Variants in GNB1 observed in about 807,000 individuals in gnomAD.
GNB1 encodes the protein G protein subunit beta 1, also known as guanine nucleotide-binding protein G(I)/G(S)/G(T) subunit beta-1.
A neutral mutation model predicts 42.9 loss-of-function variants in GNB1; 2 were observed. The observed-to-expected ratio is 0.05, with a 90% CI of 0.02 to 0.15. The LOEUF (loss-of-function observed/expected upper bound fraction) is 0.15, where lower values mean the gene tolerates loss of function less well. Ranked by LOEUF, GNB1 falls within the 10% of genes least tolerant of loss-of-function variation. The probability of loss-of-function intolerance (pLI) is 1.00; values close to 1 mark genes in which losing one functional copy is unlikely to be tolerated. For missense variants in GNB1, 193 were observed against 462.2 expected, an observed-to-expected ratio of 0.42 and a Z score of 5.34; for synonymous variants, 183 against 174.7, an observed-to-expected ratio of 1.05 and a Z score of -0.38.
chr1:1,815,390 C>T (rs867430973), intron 5 of GNB1, among the ~76,000 whole-genome samples: 4 of 152,202 alleles, frequency 2.6e-5, no homozygotes, highest in African/African-American at 9.6e-5. Flanking sequence ...GAGGGCCAAC[C>T]AGCCCTGAGA....
intron 1 of GNB1, among the ~76,000 whole-genome samples, chr1:1,848,357 CAAAAAAAAA>C (rs56979938): frequency 1.1e-5 from 1 of 94,366 alleles, no homozygotes; most frequent in Non-Finnish European, 2.1e-5. Flanking sequence ...CCAGCCCAGG[CAAAAAAAAA>C]AAAAAAAAGA....
At chr1:1,881,728 T>C (rs1268107875) in intron 1 of GNB1, among the ~76,000 whole-genome samples, 1 of 152,186 alleles carries the variant, frequency 6.6e-6, no homozygotes, top group African/African-American at 2.4e-5. Context: ...ATCCAGACTG[T>C]AAACCTTTTG....
intron 3 of GNB1, among the ~76,000 whole-genome samples, chr1:1,822,497 A>G (rs1570670794): frequency 6.6e-6 from 1 of 151,646 alleles, no homozygotes; most frequent in Non-Finnish European, 1.5e-5. Context: ...TTTTTCTTTT[A>G]GTAGAGACGG....
chr1:1,845,285 T>A (rs1210349342), intron 1 of GNB1, among the ~76,000 whole-genome samples: 1 of 152,152 alleles, frequency 6.6e-6, no homozygotes, highest in Admixed American at 6.6e-5. Flanking sequence ...TAATAATGCT[T>A]AAAGTAGGCC....
chr1:1,830,310 G>A (rs1478342007), intron 2 of GNB1, among the ~76,000 whole-genome samples: 1 of 151,440 alleles, frequency 6.6e-6, no homozygotes, highest in African/African-American at 2.4e-5. Flanking sequence ...GCCCAGGCTG[G>A]AGTGCAGTGG....
At chr1:1,825,165 G>A (rs1218446572) in intron 3 of GNB1, 5 of 446,266 alleles carry the variant, frequency 1.1e-5, no homozygotes, top group African/African-American at 4.0e-5. Flanking sequence ...TAAATTCTAC[G>A]GAGACATCTG....
chr1:1,793,519 CA>C, intron 7 of GNB1: 1 of 436,624 alleles, frequency 2.3e-6, no homozygotes, highest in Non-Finnish European at 4.3e-6. Context: ...GGCAGGACAG[CA>C]CGTCCCACAG....
In GNB1 at chr1:1,787,334, G is replaced by A. The variant is rs1362537090; in HGVS notation, c.1020C>T (p.Asn340=). The change falls in exon 11 of 12, where the codon AAC becomes AAT. Residue 340 remains asparagine (N), a synonymous_variant. Transcript: ENST00000378609. This position sits in a 1 kb window ranked among gnomAD's most constrained non-coding sequence, Gnocchi z 4.4. ...GSWDSFLKIW[N] Reference sequence around the variant, plus strand: ...GCTGCTGCATTACCTACTGGCGTTAGTTCCAGATCTTGAGGAAGCTATCCC... The same window carrying A: ...GCTGCTGCATTACCTACTGGCGTTAATTCCAGATCTTGAGGAAGCTATCCC... 6.3e-7 allele frequency: 1 copy of A among 1,585,764 alleles called. No individual in the cohort carries two copies. Among genetic ancestry groups the A allele is most frequent in the East Asian group, 2.2e-5 (1 of 44,718 alleles).
intron 1 of GNB1, among the ~76,000 whole-genome samples, chr1:1,886,500 C>T (rs1650165688): frequency 6.6e-6 from 1 of 152,174 alleles, no homozygotes; most frequent in African/African-American, 2.4e-5. Context: ...ACACTCACTC[C>T]CATATACGTT....
intron 1 of GNB1, among the ~76,000 whole-genome samples, chr1:1,888,812 C>G (rs954182436): frequency 2.0e-5 from 3 of 152,170 alleles, no homozygotes; most frequent in African/African-American, 7.2e-5. Context: ...GCACTCCAGC[C>G]TGGGCAACAA....
At chr1:1,859,896 T>C (rs1416685039) in intron 1 of GNB1, among the ~76,000 whole-genome samples, 5 of 145,178 alleles carry the variant, frequency 3.4e-5, no homozygotes, top group Non-Finnish European at 7.5e-5. Context: ...TTTCAGTTTT[T>C]GTTGTGGGGT....
chr1:1,798,840 T>G (rs940024499), intron 7 of GNB1, among the ~76,000 whole-genome samples: 6 of 152,108 alleles, frequency 3.9e-5, no homozygotes, highest in Admixed American at 1.3e-4. Context: ...TAGCTGGGAC[T>G]ACAAGTGCAT....
chr1:1,889,678 G>A (rs1187816668), intron 1 of GNB1, among the ~76,000 whole-genome samples: 6 of 134,602 alleles, frequency 4.5e-5, no homozygotes, highest in African/African-American at 1.4e-4. Flanking sequence ...AAAAAAAAAA[G>A]GCTTCCATGA....
At chr1:1,826,495 G>A (rs1291804204) in intron 2 of GNB1, among the ~76,000 whole-genome samples, 1 of 152,142 alleles carries the variant, frequency 6.6e-6, no homozygotes, top group Non-Finnish European at 1.5e-5. Context: ...GGGAACGGGG[G>A]TGAGTGGCAA....
At chr1:1,841,732 T>C (rs1027083243) in intron 1 of GNB1, among the ~76,000 whole-genome samples, 1 of 152,150 alleles carries the variant, frequency 6.6e-6, no homozygotes, top group Non-Finnish European at 1.5e-5. Context: ...GCTGCTTATG[T>C]ACAAGCAAGC....
intron 2 of GNB1, among the ~76,000 whole-genome samples, chr1:1,833,991 C>G (rs1647111456): frequency 6.6e-6 from 1 of 152,080 alleles, no homozygotes; most frequent in Non-Finnish European, 1.5e-5. Flanking sequence ...GGACAGACGA[C>G]CAGGCAGGTC....
intron 1 of GNB1, among the ~76,000 whole-genome samples, chr1:1,862,417 C>G (rs184170962): frequency 5.5e-4 from 84 of 152,112 alleles, no homozygotes; most frequent in African/African-American, 2.0e-3. Context: ...CTGAGTGAGA[C>G]AATCAGTTTC....
At chr1:1,870,214 C>T (rs1649173427) in intron 1 of GNB1, among the ~76,000 whole-genome samples, 1 of 152,112 alleles carries the variant, frequency 6.6e-6, no homozygotes, top group South Asian at 2.1e-4. Context: ...TTTTTTGAGA[C>T]AAGGTCTCAC....
intron 7 of GNB1, among the ~76,000 whole-genome samples, chr1:1,801,231 T>C (rs993654719): frequency 7.9e-5 from 12 of 152,222 alleles, no homozygotes; most frequent in Non-Finnish European, 1.8e-4. Context: ...TTTCGTCATG[T>C]TGGCTAGGCT....
Sources: allele counts gnomAD v4.1 joint callset (sites outside exome capture counted in the v4.1 genomes callset), GRCh38; gene constraint gnomAD v4.1.1; non-coding constraint Gnocchi (gnomAD v3.1); transcripts MANE v1.5; gene names NCBI Gene and HGNC (gene_info 2026-07-23, HGNC 2026-07-21).